BUB1B: variants seen among roughly 807,000 people sequenced by gnomAD.
The protein encoded by BUB1B is mitotic checkpoint serine/threonine-protein kinase BUB1 beta.
In BUB1B, 86 loss-of-function variants were observed where a neutral mutation model predicts 137.7. The observed-to-expected ratio is 0.62, with a 90% CI of 0.52 to 0.75. The LOEUF (loss-of-function observed/expected upper bound fraction) is 0.75, where lower values mean the gene tolerates loss of function less well. Ranked by LOEUF, BUB1B falls within the 30% of genes least tolerant of loss-of-function variation. The probability of loss-of-function intolerance (pLI) is 0.00; values close to 1 mark genes in which losing one functional copy is unlikely to be tolerated. For synonymous variants in BUB1B, 420 were observed against 417.9 expected (o/e 1.00, Z -0.06); for missense variants, 1,130 against 1,236.9 (o/e 0.91, Z 1.30).
intron 8 of BUB1B, among the ~76,000 whole-genome samples, chr15:40,188,442 C>T (rs2037395524): frequency 6.6e-6 from 1 of 152,128 alleles, no homozygotes; most frequent in Non-Finnish European, 1.5e-5. Context: ...TGTATAGAAG[C>T]TCTTCATAGA....
chr15:40,189,636 C>T (rs962916896), intron 8 of BUB1B, among the ~76,000 whole-genome samples: 7 of 152,134 alleles, frequency 4.6e-5, no homozygotes, highest in Non-Finnish European at 8.8e-5. Context: ...TAATTGTTTT[C>T]ATTTTTTGGC....
intron 8 of BUB1B, among the ~76,000 whole-genome samples, chr15:40,196,237 TAG>T: frequency 6.6e-6 from 1 of 152,188 alleles, no homozygotes; most frequent in Non-Finnish European, 1.5e-5. Flanking sequence ...ATTTGTTGAA[TAG>T]AGTATCTTTC....
intron 8 of BUB1B, among the ~76,000 whole-genome samples, chr15:40,189,520 A>G (rs1244431203): frequency 2.0e-5 from 3 of 152,222 alleles, no homozygotes; most frequent in Non-Finnish European, 2.9e-5. Context: ...AGGTTCATCC[A>G]CGTTGTGACA....
intron 9 of BUB1B, among the ~76,000 whole-genome samples, chr15:40,198,371 C>G (rs1397194322): frequency 6.6e-6 from 1 of 152,070 alleles, no homozygotes; most frequent in Non-Finnish European, 1.5e-5. Context: ...AGCCACCATG[C>G]AGACCTTAAT....
intron 19 of BUB1B, 93 bp downstream of exon 19, chr15:40,212,741 C>A: frequency 8.2e-7 from 1 of 1,218,036 alleles, no homozygotes; most frequent in Non-Finnish European, 1.2e-6. Flanking sequence ...TCCTGTCAAT[C>A]TTCTAGAAAT....
At chr15:40,192,759 T>C (rs372512728) in intron 8 of BUB1B, among the ~76,000 whole-genome samples, 1 of 152,258 alleles carries the variant, frequency 6.6e-6, no homozygotes, top group Non-Finnish European at 1.5e-5. Flanking sequence ...ATTGTATAGA[T>C]GTGCCACGAT....
intron 22 of BUB1B, among the ~76,000 whole-genome samples, chr15:40,219,530 C>T (rs538779265): frequency 2.3e-4 from 35 of 152,216 alleles, no homozygotes; most frequent in African/African-American, 7.5e-4. Flanking sequence ...GCAGCCTGGG[C>T]AACATGGCGA....
rs763901020 is a variant in BUB1B, at chr15:40,209,606, A to G, written c.2144-29A>G. ...TAAGCATTAGGGTTTTTTTGGTGAT[A>G]TATTTTCACCTTTCCCTCCCACTGG... On this transcript the variant is annotated intron_variant, in intron 16 of 22. Transcript: ENST00000287598. 6 of 1,613,590 alleles carry G rather than the reference A, an allele frequency of 3.7e-6. No homozygotes were observed. The South Asian group carries it at 4.4e-5, about 12-fold the overall frequency.
intron 8 of BUB1B, among the ~76,000 whole-genome samples, chr15:40,192,124 A>G (rs1427400548): frequency 1.1e-4 from 16 of 152,226 alleles, no homozygotes. Context: ...GTCCATGAAC[A>G]TAGGATGTCT....
chr15:40,218,734 A>G (rs991829323), intron 22 of BUB1B, among the ~76,000 whole-genome samples, 172 bp downstream of exon 22: 2 of 152,238 alleles, frequency 1.3e-5, no homozygotes, highest in Non-Finnish European at 2.9e-5. Context: ...GGAAAAAGGA[A>G]CTGCTTACTA....
At chr15:40,175,727 A>G (rs1225917826) in intron 4 of BUB1B, among the ~76,000 whole-genome samples, 5 of 152,192 alleles carry the variant, frequency 3.3e-5, no homozygotes. Context: ...AACAATTACT[A>G]TTAGGCAGAT....
intron 8 of BUB1B, among the ~76,000 whole-genome samples, chr15:40,192,841 G>T (rs1000346553): frequency 6.6e-6 from 1 of 152,098 alleles, no homozygotes; most frequent in South Asian, 2.1e-4. Context: ...ATAAGGTTGC[G>T]GTAGACATTC....
rs375105548 is a variant in BUB1B at position 40,213,356 on chromosome 15, A to G, written c.2560A>G (p.Ile854Val). 50 of 1,613,834 alleles carry G rather than the reference A, an allele frequency of 3.1e-5. No individual in the cohort carries two copies. The highest frequency in any genetic ancestry group is 4.2e-5 in the Non-Finnish European group (49 of 1,179,914). Reference protein sequence around the residue: ...LQDLLQHSEYITHEITVLIIY... With the variant: ...LQDLLQHSEYVTHEITVLIIY... Reference sequence around the variant, plus strand: ...GGATCTTCTCCAACACAGTGAATATATTACCCATGAAATAACAGTGTTGAT... The same window carrying G: ...GGATCTTCTCCAACACAGTGAATATGTTACCCATGAAATAACAGTGTTGAT... The change falls in exon 20 of 23, where the codon ATT (isoleucine) becomes GTT (valine). Residue 854 changes from isoleucine to valine, a missense_variant. Transcript: ENST00000287598.
intron 10 of BUB1B, 23 bp downstream of exon 10, chr15:40,199,750 C>T (rs925690393): frequency 2.0e-4 from 306 of 1,527,832 alleles, no homozygotes; most frequent in Admixed American, 1.5e-4. Flanking sequence ...TTTTCATACA[C>T]AAAACTAGAA....
In BUB1B at chr15:40,206,194, C is replaced by T; in HGVS notation, c.1745C>T (p.Thr582Ile). Residue 582 changes from threonine to isoleucine, a missense_variant, in exon 15 of 23, where the codon ACA becomes ATA. By Grantham distance (89) the Thr-to-Ile change is moderately conservative (BLOSUM62 -1). Coordinates refer to ENST00000287598, the MANE Select transcript of BUB1B (RefSeq NM_001211.6). ...TGGTCTTTATTTCAGGATGAATTTA[C>T]AGGAATTGAACCCTTGAGCGAGGAT... ...DVSPDVCDEF[T>I]GIEPLSEDAI... The T allele has an allele frequency of 1.9e-6, 3 of 1,614,114 alleles. No individual in the cohort carries two copies. The highest frequency in any genetic ancestry group is 1.3e-5 in the African/African-American group (1 of 75,038).
In BUB1B at chr15:40,217,608, C is replaced by A. The variant is rs766052877; in HGVS notation, c.2791C>A (p.Arg931=). The A allele has an allele frequency of 6.2e-7, 1 of 1,614,128 alleles. No homozygotes were observed. Among genetic ancestry groups the A allele is most frequent in the Admixed American group, 1.7e-5 (1 of 60,018 alleles). ...GGATGTTTTTACCCTCAGCGGCTTT[C>A]GGACTGTACAGATCCTGGAAGGACA... The part of the protein sequence containing the change: ...QLDVFTLSGF[R]TVQILEGQKI... The change falls in exon 21 of 23, where the codon CGG becomes AGG. Residue 931 remains arginine, a synonymous_variant. Transcript: ENST00000287598.
intron 20 of BUB1B, among the ~76,000 whole-genome samples, chr15:40,216,525 G>T (rs1439089680): frequency 7.3e-6 from 1 of 136,538 alleles, no homozygotes; most frequent in Non-Finnish European, 1.5e-5. Flanking sequence ...CAGAATCCAC[G>T]ATCCCTATAA....
At chr15:40,173,752 C>T (rs2037192625) in intron 4 of BUB1B, among the ~76,000 whole-genome samples, 1 of 152,218 alleles carries the variant, frequency 6.6e-6, no homozygotes, top group South Asian at 2.1e-4. Flanking sequence ...ATGATCAGCA[C>T]TAGAATGATC....
rs908335236 is a variant in BUB1B at position 40,206,407 on chromosome 15, A to G, written c.1958A>G (p.Gln653Arg). 6.2e-7 allele frequency: 1 copy of G among 1,614,120 alleles called. No individual in the cohort carries two copies. Among genetic ancestry groups the G allele is most frequent in the Non-Finnish European group, 8.5e-7 (1 of 1,180,046 alleles). The change falls in exon 15 of 23, where the codon CAG becomes CGG. Residue 653 changes from glutamine to arginine, a missense_variant. Transcript: ENST00000287598. The part of the protein sequence containing the change: ...DLDVKTSEDQ[Q>R]TACGTIYSQT... ...GATGTAAAGACCTCTGAGGACCAGC[A>G]GACAGCTTGTGGCACTATCTACAGT...
Sources: gnomAD v4.1 joint callset for allele counts (sites outside exome capture counted in the v4.1 genomes callset) on GRCh38, gnomAD v4.1.1 for gene constraint, MANE v1.5 for transcripts, NCBI Gene and HGNC (gene_info 2026-07-23, HGNC 2026-07-21) for gene names.